The following PEAK3 variants were observed in gnomAD, a reference collection of about 807,000 sequenced individuals.
PEAK3 encodes the protein protein PEAK3.
In PEAK3, 15 loss-of-function variants were observed where a neutral mutation model predicts 13.3. That is an observed-to-expected ratio of 1.13 (90% CI 0.75 to 1.73). The LOEUF (loss-of-function observed/expected upper bound fraction) is 1.73. PEAK3 is among the 40% of genes most tolerant of loss of function. The pLI, the probability that PEAK3 is intolerant of heterozygous loss-of-function variation, is 0.00. For missense variants in PEAK3, 739 were observed against 690.2 expected (o/e 1.07, Z -0.79); for synonymous variants, 347 against 341.9 (o/e 1.01, Z -0.17).
Position 2,275,916 on chromosome 19 carries a change from G to T in PEAK3, c.1186C>A (p.Gln396Lys). The change falls in exon 4 of 4, where the codon CAG (glutamine) becomes AAG (lysine). Residue 396 changes from glutamine (Q) to lysine (K), a missense_variant. Coordinates refer to ENST00000342063, the MANE Select transcript of PEAK3 (RefSeq NM_198532.3). ...GGCCCGGGCCCCCAGAGCAGCGCCT[G>T]CAGCGCGCCCCGCGTCCGGGACGCC... ...PSASRTRGAL[Q>K]ALLWGPGPEL... 7.3e-7 allele frequency: 1 copy of T among 1,376,416 alleles called. No individual in the cohort carries two copies. Among genetic ancestry groups the T allele is most frequent in the Non-Finnish European group, 9.3e-7 (1 of 1,072,576 alleles). 85.3% of individuals were successfully genotyped at this position (1,376,416 alleles called of 1,614,324 possible). A position where few individuals can be genotyped will look rare whatever the true frequency, so the allele number is the denominator to read the frequency against.
In PEAK3 at chr19:2,279,152, G is replaced by A. The variant is rs1237099172; in HGVS notation, c.83-39C>T. On this transcript the variant is annotated intron_variant, in intron 2 of 3. Coordinates refer to ENST00000342063, the MANE Select transcript of PEAK3 (RefSeq NM_198532.3). The stretch of plus-strand genomic sequence containing the variant: ...CAGTGGGGGAGGGTTGAGGACAGGC[G>A]GAGTGGGAACGGGACACGTGACTCC... 10 of 1,384,328 alleles carry A rather than the reference G, an allele frequency of 7.2e-6. No homozygotes were observed. In the East Asian group the frequency reaches 8.0e-5, roughly 11 times the overall value. 85.8% of individuals were successfully genotyped at this position (1,384,328 alleles called of 1,614,324 possible).
At position 2,275,698 on chromosome 19, in the gene PEAK3, C is replaced by G; in HGVS notation, c.1404G>C (p.Leu468=). 6.6e-7 allele frequency: 1 copy of G among 1,508,364 alleles called. No homozygotes were observed. The allele number at this position is 1,508,364 out of a possible 1,614,324, so 93.4% of individuals were successfully genotyped here. The change falls in exon 4 of 4, where the codon CTG becomes CTC. Residue 468 remains leucine, a synonymous_variant. Coordinates refer to ENST00000342063, the MANE Select transcript of PEAK3 (RefSeq NM_198532.3). ...EATESSMGQA[L]ALLWD Reference sequence around the variant, plus strand: ...GTTGGGGTCAGTCCCACAGCAGCGCCAGGGCCTGGCCCATCGAGGACTCGG... The same window carrying G: ...GTTGGGGTCAGTCCCACAGCAGCGCGAGGGCCTGGCCCATCGAGGACTCGG...
In PEAK3 at chr19:2,278,917, G is replaced by A; in HGVS notation, c.279C>T (p.Ser93=). ...CAGCCTGGCTCTTGTCCACACTGTG[G>A]GACCCCAGAAAGGGTCTCCGAGGCG... is the stretch of plus-strand genomic sequence containing the variant. ...VQPPRRPFLG[S]HSVDKSQAAV... Residue 93 remains serine (S), a synonymous_variant, in exon 3 of 4, where the codon TCC becomes TCT. Transcript: ENST00000342063. The A allele has an allele frequency of 6.2e-7, 1 of 1,603,558 alleles. No homozygotes were observed. Among genetic ancestry groups the A allele is most frequent in the African/African-American group, 1.3e-5 (1 of 74,922 alleles).
chr19:2,278,161 C>A (rs1244453099), intron 3 of PEAK3, among the ~76,000 whole-genome samples: 2 of 146,562 alleles, frequency 1.4e-5, no homozygotes, highest in South Asian at 2.2e-4. Context: ...CTGTGCCCGG[C>A]CTTTTTCTTT....
In PEAK3 at chr19:2,276,435, A is replaced by T; in HGVS notation, c.667T>A (p.Ser223Thr). ...PHPWGLELQASLSPHFNLQGL... is the reference protein window; with the variant it reads ...PHPWGLELQATLSPHFNLQGL... ...TGCAGATTGAAGTGTGGAGACAGGG[A>T]GGCCTGCAGCTCCAGGCCCCACGGG... The change falls in exon 4 of 4, where the codon TCC becomes ACC. Residue 223 changes from serine to threonine, a missense_variant. Coordinates refer to ENST00000342063, the MANE Select transcript of PEAK3 (RefSeq NM_198532.3). 6.3e-7 allele frequency: 1 copy of T among 1,588,122 alleles called. No individual in the cohort carries two copies. The highest frequency in any genetic ancestry group is 8.5e-7 in the Non-Finnish European group (1 of 1,171,334).
Position 2,276,049 on chromosome 19 carries a change from C to G in PEAK3, c.1053G>C (p.Gln351His). The G allele has an allele frequency of 6.9e-7, 1 of 1,443,438 alleles. No homozygotes were observed. Among genetic ancestry groups the G allele is most frequent in the East Asian group, 2.7e-5 (1 of 37,514 alleles). The allele number at this position is 1,443,438 out of a possible 1,614,324, so 89.4% of individuals were successfully genotyped here. A position where few individuals can be genotyped will look rare whatever the true frequency, so the allele number is the denominator to read the frequency against. Residue 351 changes from glutamine to histidine, a missense_variant, in exon 4 of 4, where the codon CAG becomes CAC. Coordinates refer to ENST00000342063, the MANE Select transcript of PEAK3 (RefSeq NM_198532.3). The part of the protein sequence containing the change: ...PPGSPGPHAP[Q>H]LGSLLRALLS... ...GCAGCGCTCGGAGGAGGCTGCCCAG[C>G]TGCGGCGCGTGGGGGCCCGGGGATC... is the stretch of plus-strand genomic sequence containing the variant.
intron 3 of PEAK3, 135 bp downstream of exon 3, chr19:2,278,449 C>G (rs181912340): frequency 1.4e-3 from 1,462 of 1,065,518 alleles, no homozygotes; most frequent in Non-Finnish European, 1.7e-3. Context: ...GCGTGAGCCA[C>G]CGCGCCCGGC....
chr19:2,279,220 G>A, intron 2 of PEAK3, 107 bp from the exon 3 acceptor site: 2 of 993,004 alleles, frequency 2.0e-6, no homozygotes, highest in Admixed American at 3.6e-5. Context: ...TGGAAGTAAT[G>A]AGGCTGGGCG....
rs750589842 is a variant in PEAK3, at chr19:2,280,777, ACCTGCCGCTCCCTGCACCCC to A, written c.82+53_82+72del. 1.5e-3 allele frequency: 1,598 copies of A among 1,072,224 alleles called. 4 individuals carry two copies. Among genetic ancestry groups the A allele is most frequent in the South Asian group, 0.01 (672 of 66,030 alleles). The allele number at this position is 1,072,224 out of a possible 1,614,324, so 66.4% of individuals were successfully genotyped here. A position where few individuals can be genotyped will look rare whatever the true frequency, so the allele number is the denominator to read the frequency against. ...CAACCTCCTGCCGCTCCCTGCACCCACCTGCCGCTCCCTGCACCCCCCTGCCGCTCCCTGCACCCCCGCAG... is the reference window on the plus strand; with the variant it reads ...CAACCTCCTGCCGCTCCCTGCACCCACCTGCCGCTCCCTGCACCCCCGCAG... On this transcript the variant is annotated intron_variant, in intron 2 of 3. Transcript: ENST00000342063.
intron 2 of PEAK3, 95 bp from the exon 3 acceptor site, chr19:2,279,208 C>A: frequency 1.8e-6 from 2 of 1,111,572 alleles, no homozygotes; most frequent in South Asian, 2.5e-5. Flanking sequence ...CCATCTCTAA[C>A]ATGGAAGTAA....
Position 2,274,960 on chromosome 19 carries a change from G to GAA in PEAK3, c.*718_*719dup, listed in dbSNP as rs1207759512. On this transcript the variant is annotated 3_prime_UTR_variant, in exon 4 of 4. Transcript: ENST00000342063. ...AAAAAAAAAAAAAAAAAAAGAAAAA[G>GAA]AAAGTGGAACTGGAACAGTATGGCA... 8.9e-6 allele frequency: 1 copy of GAA among 112,412 alleles called. No individual in the cohort carries two copies. Among genetic ancestry groups the GAA allele is most frequent in the Admixed American group, 8.9e-5 (1 of 11,248 alleles). 7.0% of individuals were successfully genotyped at this position (112,412 alleles called of 1,614,324 possible).
rs1032731714 is a variant in PEAK3, at chr19:2,275,340, CGCCCTGG to C, written c.*333_*339del. The C allele has an allele frequency of 3.4e-4, 72 of 212,720 alleles. No homozygotes were observed. Among genetic ancestry groups the C allele is most frequent in the African/African-American group, 1.6e-3 (69 of 43,576 alleles). 13.2% of individuals were successfully genotyped at this position (212,720 alleles called of 1,614,324 possible). ...CAATGACAGAACCCACGCGGAAGAGCGCCCTGGCTGCTGGGGAAGGCAGAACACAGAG... is the reference window on the plus strand; with the variant it reads ...CAATGACAGAACCCACGCGGAAGAGCCTGCTGGGGAAGGCAGAACACAGAG... On this transcript the variant is annotated 3_prime_UTR_variant, in exon 4 of 4. Coordinates refer to ENST00000342063, the MANE Select transcript of PEAK3 (RefSeq NM_198532.3).
chr19:2,281,621 C>G (rs1183970189), intron 1 of PEAK3, among the ~76,000 whole-genome samples: 6 of 147,086 alleles, frequency 4.1e-5, no homozygotes, highest in African/African-American at 1.5e-4. Context: ...TCTCTGGGGC[C>G]CTGCTGTGTG....
rs960296863 is a variant in PEAK3, at chr19:2,275,784, C to A, written c.1318G>T (p.Ala440Ser). The change falls in exon 4 of 4, where the codon GCA becomes TCA. Residue 440 changes from alanine to serine, a missense_variant. Ala to Ser is a moderately conservative substitution (Grantham distance 99). Transcript: ENST00000342063. ...TCGAGGCTGGGAGCTTCCCCACCTG[C>A]GGCCCGCTCTGCTAGGCGCAGGACC... is the stretch of plus-strand genomic sequence containing the variant. ...LLVLRLAERA[A>S]GGEAPSLEDW... 6 of 1,572,808 alleles carry A rather than the reference C, an allele frequency of 3.8e-6. No homozygotes were observed. In the African/African-American group the frequency reaches 4.1e-5, roughly 11 times the overall value.
Position 2,278,946 on chromosome 19 carries a change from G to A in PEAK3, c.250C>T (p.Gln84Ter). 1.2e-6 allele frequency: 2 copies of A among 1,608,494 alleles called. No individual in the cohort carries two copies. Among genetic ancestry groups the A allele is most frequent in the Non-Finnish European group, 1.7e-6 (2 of 1,177,322 alleles). ...CCCAGAAAGGGTCTCCGAGGCGGCTGTACTTGGATGGAGCTGGGATGGAGG... is the reference window on the plus strand; with the variant it reads ...CCCAGAAAGGGTCTCCGAGGCGGCTATACTTGGATGGAGCTGGGATGGAGG... ...RTLHPSSIQV[Q>*]PPRRPFLGSH... Residue 84 changes from glutamine (Q) to a stop codon, truncating the protein, a stop_gained, in exon 3 of 4, where the codon CAG becomes TAG. Transcript: ENST00000342063. LOFTEE classifies it high-confidence loss of function.
rs753604438 is a variant in PEAK3, at chr19:2,278,600, T to C, written c.596A>G (p.His199Arg). 148 of 1,484,280 alleles carry C rather than the reference T, an allele frequency of 1.0e-4. No individual in the cohort carries two copies. Among genetic ancestry groups the C allele is most frequent in the Non-Finnish European group, 1.3e-4 (143 of 1,117,476 alleles). 91.9% of individuals were successfully genotyped at this position (1,484,280 alleles called of 1,614,324 possible). Residue 199 changes from histidine to arginine, a missense_variant, in exon 3 of 4, where the codon CAC becomes CGC. Transcript: ENST00000342063. ...GGGGCTCACCTTGGCGACCAGGATG[T>C]GCCAGGCGTCCTCGTGCGCGCGCAC... ...RVVRAHEDAW[H>R]ILVAKVPKPG...
chr19:2,280,681 C>T (rs1277599994), intron 2 of PEAK3, among the ~76,000 whole-genome samples, 169 bp downstream of exon 2: 1 of 152,090 alleles, frequency 6.6e-6, no homozygotes, highest in African/African-American at 2.4e-5. Flanking sequence ...TCAGCCCTGG[C>T]CTACTCCGGG....
chr19:2,276,904 T>G (rs2025395506), intron 3 of PEAK3, among the ~76,000 whole-genome samples: 1 of 151,932 alleles, frequency 6.6e-6, no homozygotes, highest in Admixed American at 6.6e-5. Context: ...CCCAGCTACT[T>G]CGGAGGCTGA....
At chr19:2,277,047 A>G (rs1471771850) in intron 3 of PEAK3, among the ~76,000 whole-genome samples, 1 of 152,040 alleles carries the variant, frequency 6.6e-6, no homozygotes, top group African/African-American at 2.4e-5. Flanking sequence ...ACAAAAGCAG[A>G]TCCCCGGCCA....
Sources: allele counts gnomAD v4.1 joint callset (sites outside exome capture counted in the v4.1 genomes callset), GRCh38; gene constraint gnomAD v4.1.1; transcripts MANE v1.5; gene names NCBI Gene and HGNC (gene_info 2026-07-23, HGNC 2026-07-21).